Variants in MROH9 observed in about 807,000 individuals in gnomAD.
MROH9 encodes maestro heat like repeat family member 9, also known as maestro heat-like repeat-containing protein family member 9.
In MROH9, 92 loss-of-function variants were observed where a neutral mutation model predicts 98.2. The ratio of observed to expected loss-of-function variants is 0.94; its 90% CI spans 0.79 to 1.11. The LOEUF (loss-of-function observed/expected upper bound fraction) is 1.11. Ranked by LOEUF, MROH9 falls within the 50% of genes most tolerant of loss-of-function variation. The pLI is 0.00. For missense variants in MROH9, 1,057 were observed against 1,014.8 expected, an observed-to-expected ratio of 1.04 and a Z score of -0.57; for synonymous variants, 397 against 368.9, an observed-to-expected ratio of 1.08 and a Z score of -0.87.
rs1047256990 is a variant in MROH9, at chr1:170,998,640, G to A, written c.1596+366G>A. On this transcript the variant is annotated intron_variant, in intron 15 of 21. Coordinates refer to ENST00000367759, the MANE Select transcript of MROH9 (RefSeq NM_001163629.2). ...CATCTGGGATCTAGGCAGTACTTCT[G>A]ACCATCTAGAGGGAGAAAGGAACTG... The A allele has an allele frequency of 2.4e-5, 29 of 1,185,690 alleles. No homozygotes were observed. The South Asian group carries it at 7.4e-4, about 30-fold the overall frequency. 73.4% of individuals were successfully genotyped at this position (1,185,690 alleles called of 1,614,324 possible).
chr1:171,012,622 C>A (rs1652193928), intron 15 of MROH9, among the ~76,000 whole-genome samples: 1 of 151,622 alleles, frequency 6.6e-6, no homozygotes, highest in African/African-American at 2.4e-5. Context: ...CCTGCCTCAG[C>A]CTCCCAAGTA....
chr1:170,943,895 C>CA (rs1649219546), intron 1 of MROH9, among the ~76,000 whole-genome samples: 3 of 151,818 alleles, frequency 2.0e-5, no homozygotes, highest in Admixed American at 1.3e-4. Flanking sequence ...GAAAGTCTGG[C>CA]AGTATGCATA....
chr1:171,049,970 C>T (rs1055185931), intron 20 of MROH9, among the ~76,000 whole-genome samples: 15 of 152,148 alleles, frequency 9.9e-5, no homozygotes, highest in Non-Finnish European at 2.1e-4. Flanking sequence ...GCATGAACCA[C>T]CATGCCTGGA....
intron 21 of MROH9, 38 bp downstream of exon 21, chr1:171,062,232 A>G (rs759702421): frequency 6.6e-6 from 9 of 1,355,336 alleles, no homozygotes; most frequent in Non-Finnish European, 6.2e-6. Context: ...TTATGCATAA[A>G]TCTAAATACA....
intron 1 of MROH9, among the ~76,000 whole-genome samples, chr1:170,936,370 CCAAGT>C (rs2101855780): frequency 6.6e-6 from 1 of 152,162 alleles, no homozygotes. Context: ...GATTTGTGTC[CCAAGT>C]CAAGTAGTCA....
intron 3 of MROH9, among the ~76,000 whole-genome samples, chr1:170,957,276 G>A (rs993444702): frequency 9.2e-5 from 14 of 151,892 alleles, no homozygotes; most frequent in Non-Finnish European, 1.5e-4. Flanking sequence ...CTTTCCCTAT[G>A]TTTTCTTCTA....
In MROH9 at chr1:171,012,783, A is replaced by G. The variant is rs113710814; in HGVS notation, c.1597-1334A>G. Reference sequence around the variant, plus strand: ...CTCCCAAAGCGCTGGGATTACAGGCATGAGCCACCGCACCCGGCCAAAACT... The same window carrying G: ...CTCCCAAAGCGCTGGGATTACAGGCGTGAGCCACCGCACCCGGCCAAAACT... On this transcript the variant is annotated intron_variant, in intron 15 of 21. Coordinates refer to ENST00000367759, the MANE Select transcript of MROH9 (RefSeq NM_001163629.2). Among the ~76,000 whole-genome samples, 964 of 152,270 alleles carry G rather than the reference A, an allele frequency of 6.3e-3. 7 individuals are homozygous for G. Among genetic ancestry groups the G allele is most frequent in the African/African-American group, 0.02 (813 of 41,540 alleles).
At chr1:170,960,397 C>A (rs1649973818) in intron 5 of MROH9, among the ~76,000 whole-genome samples, 1 of 152,072 alleles carries the variant, frequency 6.6e-6, no homozygotes, top group Non-Finnish European at 1.5e-5. Flanking sequence ...AAATAAAAGT[C>A]TTCTTCCAAT....
At chr1:170,974,748 AATATAG>A (rs1650617107) in intron 8 of MROH9, among the ~76,000 whole-genome samples, 1 of 152,218 alleles carries the variant, frequency 6.6e-6, no homozygotes, top group East Asian at 1.9e-4. Context: ...AAACTTCAGC[AATATAG>A]ATAAATATTC....
At chr1:171,062,759 A>C (rs1654050645) in intron 21 of MROH9, among the ~76,000 whole-genome samples, 1 of 152,248 alleles carries the variant, frequency 6.6e-6, no homozygotes, top group Admixed American at 6.5e-5. Context: ...ATAGTGAGTT[A>C]TAAAAACAAG....
intron 20 of MROH9, among the ~76,000 whole-genome samples, chr1:171,047,905 T>C (rs890816520): frequency 3.9e-5 from 6 of 152,216 alleles, no homozygotes; most frequent in African/African-American, 1.2e-4. Flanking sequence ...TGCAGACTCA[T>C]AGAGATACTG....
At chr1:170,979,531 T>G in intron 8 of MROH9, among the ~76,000 whole-genome samples, 1 of 152,122 alleles carries the variant, frequency 6.6e-6, no homozygotes, top group East Asian at 1.9e-4. Flanking sequence ...TAATCCAAAG[T>G]GAGTAACAGA....
intron 15 of MROH9, among the ~76,000 whole-genome samples, chr1:171,004,748 C>CCCATATTAAAATATTCTAAT (rs1557894564): frequency 6.6e-6 from 1 of 152,142 alleles, no homozygotes; most frequent in African/African-American, 2.4e-5. Context: ...GAGCTGCAAT[C>CCCATATTAAAATATTCTAAT]TAGTCCTGCT....
chr1:170,978,212 G>T (rs78654820), intron 8 of MROH9, among the ~76,000 whole-genome samples: 5,220 of 152,168 alleles, frequency 0.034, 164 homozygotes, highest in East Asian at 0.12. Flanking sequence ...GGAGAGCAGG[G>T]GTTCAAAGGC....
chr1:170,992,275 C>G lies in MROH9; in HGVS notation c.1140C>G (p.Thr380=). The change falls in exon 12 of 22, where the codon ACC becomes ACG. Residue 380 remains threonine, a synonymous_variant. Transcript: ENST00000367759. The part of the protein sequence containing the change: ...LKGKPGEMED[T]VTEGKRFSLD... ...GAAAGCCTGGGGAAATGGAGGACAC[C>G]GTAACGGAAGGGAAACGTTTCTCTC... 5 of 1,613,468 alleles carry G rather than the reference C, an allele frequency of 3.1e-6. No homozygotes were observed. Among genetic ancestry groups the G allele is most frequent in the Non-Finnish European group, 4.2e-6 (5 of 1,179,644 alleles).
chr1:170,945,702 T>C (rs1649304488), intron 2 of MROH9, 121 bp downstream of exon 2: 1 of 851,784 alleles, frequency 1.2e-6, no homozygotes, highest in African/African-American at 1.8e-5. Flanking sequence ...ACAAAGAATG[T>C]ACCTTTTTTC....
intron 20 of MROH9, among the ~76,000 whole-genome samples, chr1:171,056,410 C>T (rs890375986): frequency 2.6e-5 from 4 of 152,212 alleles, no homozygotes; most frequent in Non-Finnish European, 5.9e-5. Context: ...GACCCTGACT[C>T]ATCCTTCCTC....
intron 17 of MROH9, 73 bp from the exon 18 acceptor site, chr1:171,024,322 G>T: frequency 2.0e-6 from 2 of 980,262 alleles, no homozygotes; most frequent in Non-Finnish European, 3.2e-6. Context: ...GTGTGTGTGT[G>T]TGTGTGTGTA....
intron 15 of MROH9, among the ~76,000 whole-genome samples, chr1:171,009,501 C>G (rs1235228051): frequency 2.0e-5 from 3 of 151,930 alleles, no homozygotes; most frequent in African/African-American, 7.3e-5. Flanking sequence ...TATATTAATC[C>G]TATTAGATGC....
Sources: allele counts gnomAD v4.1 joint callset (sites outside exome capture counted in the v4.1 genomes callset), GRCh38; gene constraint gnomAD v4.1.1; transcripts MANE v1.5; gene names NCBI Gene and HGNC (gene_info 2026-07-23, HGNC 2026-07-21).